FAM163A: variants seen among roughly 807,000 people sequenced by gnomAD.
FAM163A encodes the protein family with sequence similarity 163 member A, also known as protein FAM163A.
Under a neutral mutation model 12.0 loss-of-function variants are expected in FAM163A, and 7 were observed. The ratio of observed to expected loss-of-function variants is 0.58; its 90% CI spans 0.33 to 1.10. The LOEUF is 1.10. Ranked by LOEUF, FAM163A falls within the 50% of genes least tolerant of loss-of-function variation. FAM163A has a pLI of 0.03. For synonymous variants in FAM163A, 101 were observed against 91.0 expected, an observed-to-expected ratio of 1.11 and a Z score of -0.62; for missense variants, 202 against 218.6, an observed-to-expected ratio of 0.92 and a Z score of 0.48.
rs776009336 is a variant in FAM163A, at chr1:179,762,263, CT to C, written c.-136+18841del. 1.1e-3 allele frequency among the ~76,000 whole-genome samples: 164 copies of C among 152,316 alleles called. 1 individual carries two copies. Among genetic ancestry groups the C allele is most frequent in the East Asian group, 3.9e-4 (2 of 5,188 alleles). ...TGTGGCAAGAATTCAATGGTTCTTT[CT>C]GTTTTCTACCCAAGATTTATAAGTA... On this transcript the variant is annotated intron_variant, in intron 1 of 4. Coordinates refer to ENST00000341785, the MANE Select transcript of FAM163A (RefSeq NM_173509.3).
chr1:179,798,882 G>A (rs1692763161), intron 1 of FAM163A, among the ~76,000 whole-genome samples: 1 of 152,138 alleles, frequency 6.6e-6, no homozygotes, highest in Non-Finnish European at 1.5e-5. Context: ...AATCAACCTA[G>A]TTCAATCCTG....
intron 1 of FAM163A, among the ~76,000 whole-genome samples, chr1:179,790,218 CTTTTT>C (rs1168192716): frequency 6.1e-4 from 56 of 91,670 alleles, no homozygotes; most frequent in African/African-American, 2.0e-3. Flanking sequence ...AGCTGACTTC[CTTTTT>C]TTTTTTTTTT....
rs12074773 is a variant in FAM163A, at chr1:179,805,998, A to C, written c.-135-1800A>C. 2.6e-3 allele frequency among the ~76,000 whole-genome samples: 396 copies of C among 152,246 alleles called. 2 individuals are homozygous for C. The highest frequency in any genetic ancestry group is 9.2e-3 in the African/African-American group (383 of 41,528). On this transcript the variant is annotated intron_variant, in intron 1 of 4. Coordinates refer to ENST00000341785, the MANE Select transcript of FAM163A (RefSeq NM_173509.3). ...CAGTTCAGGTCTTCTCCCTGTTGACACTTACACAATATTGACTCAAGACAG... is the reference window on the plus strand; with the variant it reads ...CAGTTCAGGTCTTCTCCCTGTTGACCCTTACACAATATTGACTCAAGACAG...
chr1:179,790,435 T>C (rs1415492622), intron 1 of FAM163A, among the ~76,000 whole-genome samples: 4 of 152,096 alleles, frequency 2.6e-5, no homozygotes, highest in Admixed American at 2.6e-4. Context: ...GGAGCCAGTA[T>C]TTCAACCCAG....
chr1:179,782,193 A>G (rs964892300), intron 1 of FAM163A, among the ~76,000 whole-genome samples: 24 of 152,096 alleles, frequency 1.6e-4, no homozygotes, highest in African/African-American at 5.8e-4. Flanking sequence ...GCGCATGGAT[A>G]TAATCAGCTT....
chr1:179,804,611 A>G (rs1693660335), intron 1 of FAM163A, among the ~76,000 whole-genome samples: 1 of 152,258 alleles, frequency 6.6e-6, no homozygotes, highest in African/African-American at 2.4e-5. Flanking sequence ...ACACCATGGA[A>G]TACTATGCAG....
intron 1 of FAM163A, among the ~76,000 whole-genome samples, chr1:179,803,418 G>A: frequency 6.6e-6 from 1 of 152,204 alleles, no homozygotes; most frequent in East Asian, 1.9e-4. Flanking sequence ...TGAGGCTGAA[G>A]TCACTGAGAA....
chr1:179,756,192 CT>C (rs1394049708), intron 1 of FAM163A, among the ~76,000 whole-genome samples: 5 of 152,114 alleles, frequency 3.3e-5, no homozygotes, highest in African/African-American at 1.2e-4. Flanking sequence ...GCAGTAATGC[CT>C]TGTGTAGTTT....
chr1:179,783,730 A>T (rs1346615140), intron 1 of FAM163A, among the ~76,000 whole-genome samples: 1 of 137,552 alleles, frequency 7.3e-6, no homozygotes, highest in Admixed American at 7.3e-5. Flanking sequence ...CAAATTTTAT[A>T]TAATTGAGCC....
intron 2 of FAM163A, among the ~76,000 whole-genome samples, chr1:179,811,457 T>G (rs1355360296): frequency 6.6e-6 from 1 of 152,200 alleles, no homozygotes; most frequent in African/African-American, 2.4e-5. Flanking sequence ...TGTCAAACTC[T>G]AATGTGCAAC....
chr1:179,761,737 T>G (rs1273029359), intron 1 of FAM163A, among the ~76,000 whole-genome samples: 2 of 152,194 alleles, frequency 1.3e-5, no homozygotes, highest in Non-Finnish European at 2.9e-5. Context: ...GAATGTTGAC[T>G]GGGGTCGGTG....
chr1:179,811,302 G>A (rs543619548), intron 2 of FAM163A, among the ~76,000 whole-genome samples: 2 of 152,276 alleles, frequency 1.3e-5, no homozygotes, highest in African/African-American at 4.8e-5. Context: ...AGACAAAACT[G>A]GGAAGGTTTG....
At chr1:179,776,547 C>T (rs974440794) in intron 1 of FAM163A, among the ~76,000 whole-genome samples, 2 of 151,732 alleles carry the variant, frequency 1.3e-5, no homozygotes, top group African/African-American at 2.4e-5. Context: ...GTAGCATTCA[C>T]TTATGGCCAC....
chr1:179,733,179 C>T, the FAM163A span, among the ~76,000 whole-genome samples: 1 of 152,146 alleles, frequency 6.6e-6, no homozygotes, highest in Non-Finnish European at 1.5e-5. Context: ...CATGTACAAC[C>T]TTAATACATA....
intron 1 of FAM163A, among the ~76,000 whole-genome samples, chr1:179,794,256 A>G (rs1165649513): frequency 1.3e-5 from 2 of 152,256 alleles, no homozygotes; most frequent in Non-Finnish European, 2.9e-5. Flanking sequence ...CCACCAAAAA[A>G]TTAGAGCATT....
the FAM163A span, among the ~76,000 whole-genome samples, chr1:179,737,390 C>CA: frequency 1.3e-5 from 2 of 152,156 alleles, no homozygotes; most frequent in African/African-American, 4.8e-5. Context: ...AATGGCTATA[C>CA]AGTTTCAGTT....
the FAM163A span, among the ~76,000 whole-genome samples, chr1:179,733,755 C>A: frequency 6.6e-6 from 1 of 152,162 alleles, no homozygotes; most frequent in Non-Finnish European, 1.5e-5. Context: ...TCCCACACAT[C>A]CACAAATTCA....
At chr1:179,728,586 C>G in the FAM163A span, among the ~76,000 whole-genome samples, 1 of 152,172 alleles carries the variant, frequency 6.6e-6, no homozygotes, top group South Asian at 2.1e-4. Flanking sequence ...GATGGGTTTT[C>G]TGGCATCTCC....
rs757516267 is a variant in FAM163A, at chr1:179,814,501, C to G, written c.*312C>G. On this transcript the variant is annotated 3_prime_UTR_variant, in exon 5 of 5. Transcript: ENST00000341785. ...AACCCCTTGCAGTGTGCCCCAGTCC[C>G]CTGGATTCGCTGGACTGCAAAAAGG... is the stretch of plus-strand genomic sequence containing the variant. 2 of 296,470 alleles carry G rather than the reference C, an allele frequency of 6.7e-6. No homozygotes were observed. The allele number at this position is 296,470 out of a possible 1,614,324, so 18.4% of individuals were successfully genotyped here.
Sources: allele counts gnomAD v4.1 joint callset (sites outside exome capture counted in the v4.1 genomes callset), GRCh38; gene constraint gnomAD v4.1.1; transcripts MANE v1.5; gene names NCBI Gene and HGNC (gene_info 2026-07-23, HGNC 2026-07-21).